NCAM1: variants seen among roughly 807,000 people sequenced by gnomAD.
NCAM1 encodes neural cell adhesion molecule 1.
A neutral mutation model predicts 109.8 loss-of-function variants in NCAM1; 14 were observed. The ratio of observed to expected loss-of-function variants is 0.13; its 90% CI spans 0.08 to 0.20. The LOEUF is 0.20. Ranked by LOEUF, NCAM1 falls within the 10% of genes least tolerant of loss-of-function variation. The pLI, the probability that NCAM1 is intolerant of heterozygous loss-of-function variation, is 1.00. For missense variants in NCAM1, 774 were observed against 1,109.9 expected (o/e 0.70, Z 4.30); for synonymous variants, 418 against 442.9 (o/e 0.94, Z 0.70).
chr11:113,140,959 G>T (rs1161149467), intron 1 of NCAM1, among the ~76,000 whole-genome samples: 1 of 151,972 alleles, frequency 6.6e-6, no homozygotes, highest in African/African-American at 2.4e-5. Flanking sequence ...TATCTGGTAG[G>T]ACGAACATAG....
chr11:113,043,779 A>G (rs1953161832), intron 1 of NCAM1, among the ~76,000 whole-genome samples: 3 of 152,062 alleles, frequency 2.0e-5, no homozygotes, highest in Non-Finnish European at 4.4e-5. Context: ...AGCTTGTAGT[A>G]CATCTCCTTA....
At chr11:113,080,545 A>G (rs1938761659) in intron 1 of NCAM1, among the ~76,000 whole-genome samples, 1 of 150,912 alleles carries the variant, frequency 6.6e-6, no homozygotes, top group African/African-American at 2.4e-5. Flanking sequence ...GCTTTTGTGT[A>G]TAAGAGCAAG....
At chr11:113,065,189 A>T (rs1298798364) in intron 1 of NCAM1, among the ~76,000 whole-genome samples, 16 of 152,240 alleles carry the variant, frequency 1.1e-4, no homozygotes, top group African/African-American at 3.6e-4. Context: ...TTTAGCACCA[A>T]AAGAAATAAA....
At chr11:113,185,068 T>TTTTTTATATATA in intron 1 of NCAM1, among the ~76,000 whole-genome samples, 1 of 99,638 alleles carries the variant, frequency 1.0e-5, no homozygotes, top group African/African-American at 4.2e-5. Flanking sequence ...GCATTTATAT[T>TTTTTTATATATA]TATATATATA....
chr11:113,041,039 A>G (rs1953056065), intron 1 of NCAM1: 1 of 152,250 alleles, frequency 6.6e-6, no homozygotes, highest in Admixed American at 6.5e-5. Context: ...TAGTTTCCAT[A>G]AATTTATTCT....
rs781876684 is a variant in NCAM1, at chr11:113,231,744, G to A, written c.1189G>A (p.Ala397Thr). ...YTDAGEYICT[A>T]SNTIGQDSQS... The stretch of plus-strand genomic sequence containing the variant: ...TGATGCCGGAGAGTACATCTGCACC[G>A]CCAGCAACACCATCGGCCAGGACTC... The change falls in exon 10 of 20, where the codon GCC becomes ACC. Residue 397 changes from alanine (A) to threonine (T), a missense_variant. By Grantham distance (58) the Ala-to-Thr change is moderately conservative. Around this residue, in one of 4 missense-constraint regions of NCAM1, gnomAD observed 523 missense variants for 784.2 expected, o/e 0.67. Transcript: ENST00000316851. 1.9e-6 allele frequency: 3 copies of A among 1,613,752 alleles called. No homozygotes were observed. Among genetic ancestry groups the A allele is most frequent in the Admixed American group, 1.7e-5 (1 of 59,992 alleles).
chr11:113,189,184 G>T (rs1158805096), intron 1 of NCAM1, among the ~76,000 whole-genome samples: 1 of 152,054 alleles, frequency 6.6e-6, no homozygotes, highest in East Asian at 1.9e-4. Flanking sequence ...GGGCACGGTG[G>T]CTCACACCTG....
intron 1 of NCAM1, among the ~76,000 whole-genome samples, chr11:113,059,639 C>T (rs1424917491): frequency 6.6e-6 from 1 of 152,138 alleles, no homozygotes; most frequent in Non-Finnish European, 1.5e-5. Flanking sequence ...CAGGAAGAAG[C>T]CACAGGTCTC....
rs1163910112 is a variant in NCAM1 at position 113,025,777 on chromosome 11, C to T, written c.52+64113C>T. 1.1e-4 allele frequency among the ~76,000 whole-genome samples: 5 copies of T among 46,434 alleles called. No individual in the cohort carries two copies. The East Asian group carries it at 1.8e-3, about 17-fold the overall frequency. The allele number at this position is 46,434 out of a possible 152,430, so 30.5% of individuals were successfully genotyped here. ...AATGAGATTGGAACGACACAGGGAG[C>T]CGAGAGAGAGAGAGAGAGAGAGAGA... On this transcript the variant is annotated intron_variant, in intron 1 of 19. Coordinates refer to ENST00000316851, the MANE Select transcript of NCAM1 (RefSeq NM_181351.5).
chr11:112,970,599 C>G (rs1555066596), intron 1 of NCAM1, among the ~76,000 whole-genome samples: 1 of 152,168 alleles, frequency 6.6e-6, no homozygotes, highest in African/African-American at 2.4e-5. Context: ...GTTATGTAAC[C>G]TCTTTGAACT....
intron 1 of NCAM1, among the ~76,000 whole-genome samples, chr11:113,072,995 T>C (rs1462761128): frequency 1.3e-5 from 2 of 152,090 alleles, no homozygotes; most frequent in African/African-American, 4.8e-5. Context: ...CAAAACTCTA[T>C]ACCCATTAAA....
intron 1 of NCAM1, among the ~76,000 whole-genome samples, chr11:113,153,729 A>C (rs1942317492): frequency 1.3e-5 from 2 of 152,334 alleles, no homozygotes; most frequent in South Asian, 4.1e-4. Context: ...TTGTGTGTAC[A>C]GGTGGCAGTG....
At chr11:113,097,788 G>A (rs1200199251) in intron 1 of NCAM1, among the ~76,000 whole-genome samples, 1 of 152,002 alleles carries the variant, frequency 6.6e-6, no homozygotes, top group African/African-American at 2.4e-5. Context: ...TAAAATCATG[G>A]TGGGATTACT....
At chr11:113,183,805 T>C (rs1943403750) in intron 1 of NCAM1, among the ~76,000 whole-genome samples, 1 of 152,220 alleles carries the variant, frequency 6.6e-6, no homozygotes, top group African/African-American at 2.4e-5. Flanking sequence ...TTGAATCTTG[T>C]GGGTCAGTGT....
At chr11:113,070,839 T>A (rs1387808408) in intron 1 of NCAM1, among the ~76,000 whole-genome samples, 1 of 151,904 alleles carries the variant, frequency 6.6e-6, no homozygotes, top group East Asian at 1.9e-4. Context: ...GTGGTAAAAA[T>A]TTGGATAAAT....
chr11:113,242,669 C>T, intron 14 of NCAM1: 2 of 714,580 alleles, frequency 2.8e-6, no homozygotes, highest in South Asian at 3.5e-5. Flanking sequence ...ACCTCCTTCA[C>T]CATCTTTATA....
intron 1 of NCAM1, among the ~76,000 whole-genome samples, chr11:112,965,465 T>C (rs962343669): frequency 6.6e-6 from 1 of 152,208 alleles, no homozygotes; most frequent in Admixed American, 6.5e-5. Context: ...CCTATATCTG[T>C]ATTTTTCTGT....
intron 1 of NCAM1, among the ~76,000 whole-genome samples, chr11:113,004,124 C>A (rs1481519547): frequency 6.6e-6 from 1 of 152,182 alleles, no homozygotes; most frequent in African/African-American, 2.4e-5. Flanking sequence ...CTATTTTTCT[C>A]TTTCTAAAAT....
intron 1 of NCAM1, among the ~76,000 whole-genome samples, chr11:113,000,374 G>A (rs10789934): frequency 0.12 from 18,483 of 152,114 alleles, 1,226 homozygotes; most frequent in East Asian, 0.32. Flanking sequence ...GAGCTATCTA[G>A]TAAAATTGGG....
Sources: allele counts gnomAD v4.1 joint callset (sites outside exome capture counted in the v4.1 genomes callset), GRCh38; gene constraint gnomAD v4.1.1; regional missense constraint gnomAD v4.1.1; transcripts MANE v1.5; gene names NCBI Gene and HGNC (gene_info 2026-07-23, HGNC 2026-07-21).